PLCG2: variants seen among roughly 807,000 people sequenced by gnomAD.
PLCG2 encodes the protein 1-phosphatidylinositol 4,5-bisphosphate phosphodiesterase gamma-2.
A neutral mutation model predicts 175.6 loss-of-function variants in PLCG2; 69 were observed. The observed-to-expected ratio is 0.39, with a 90% confidence interval of 0.32 to 0.48. The LOEUF is 0.48. Ranked by LOEUF, PLCG2 falls within the 20% of genes least tolerant of loss-of-function variation. PLCG2 has a pLI of 0.91. For missense variants in PLCG2, 1,798 were observed against 1,650.9 expected (o/e 1.09, Z -1.54); for synonymous variants, 827 against 624.0 (o/e 1.33, Z -4.85).
chr16:81,782,944 G>A (rs536074522), intron 1 of PLCG2, among the ~76,000 whole-genome samples: 12 of 152,318 alleles, frequency 7.9e-5, no homozygotes, highest in Non-Finnish European at 1.8e-4. Flanking sequence ...AGGGCAACCT[G>A]TGAGCAGCTA....
At chr16:81,914,492 T>C (rs144466760) in intron 19 of PLCG2, among the ~76,000 whole-genome samples, 131 of 152,274 alleles carry the variant, frequency 8.6e-4, no homozygotes, top group Non-Finnish European at 1.3e-3. Flanking sequence ...CTCAGGTTGA[T>C]TGCCTGACTT....
intron 2 of PLCG2, among the ~76,000 whole-genome samples, chr16:81,820,561 T>G (rs1390147715): frequency 6.6e-6 from 1 of 152,176 alleles, no homozygotes; most frequent in African/African-American, 2.4e-5. Context: ...ACTCCCCCAT[T>G]CTCCTCATGG....
intron 2 of PLCG2, among the ~76,000 whole-genome samples, chr16:81,771,948 A>G (rs1910290391): frequency 6.6e-6 from 1 of 151,668 alleles, no homozygotes; most frequent in Non-Finnish European, 1.5e-5. Flanking sequence ...ACGCCTGGCT[A>G]CTTTTTGTAT....
intron 2 of PLCG2, among the ~76,000 whole-genome samples, chr16:81,814,082 C>G (rs1904433407): frequency 6.6e-6 from 1 of 152,080 alleles, no homozygotes; most frequent in African/African-American, 2.4e-5. Context: ...GAAGGCTGCC[C>G]TCCATAAGGA....
At chr16:81,911,684 C>T (rs937382344) in intron 18 of PLCG2, among the ~76,000 whole-genome samples, 1 of 151,886 alleles carries the variant, frequency 6.6e-6, no homozygotes, top group East Asian at 1.9e-4. Context: ...GATCTCAGCT[C>T]ACTGCAACCT....
chr16:81,780,677 C>T (rs1181367795), intron 1 of PLCG2, among the ~76,000 whole-genome samples: 1 of 152,180 alleles, frequency 6.6e-6, no homozygotes, highest in Non-Finnish European at 1.5e-5. Context: ...CCATGAATAG[C>T]CCTTTTGCAC....
At position 81,802,595 on chromosome 16, in the gene PLCG2, G is replaced by T. The variant is rs77400508; in HGVS notation, c.193+16413G>T. ...TTTTGTTTTTGTTTTGAGACTGAGT[G>T]GAGTTTCACTCTTGTCGCCGGGCTG... On this transcript the variant is annotated intron_variant, in intron 2 of 32. Transcript: ENST00000564138. Among the ~76,000 whole-genome samples the T allele has an allele frequency of 5.5e-3, 831 of 151,814 alleles. 8 individuals are homozygous for T. The highest frequency in any genetic ancestry group is 0.034 in the Middle Eastern group (10 of 294).
At chr16:81,759,881 C>T (rs2143084224) in intron 2 of PLCG2, among the ~76,000 whole-genome samples, 1 of 152,326 alleles carries the variant, frequency 6.6e-6, no homozygotes, top group South Asian at 2.1e-4. Context: ...AATCCCAGCA[C>T]TTTGGGAGGC....
Position 81,919,589 on chromosome 16 carries a change from C to T in PLCG2, c.2160C>T (p.Tyr720=), listed in dbSNP as rs554237118. The change falls in exon 20 of 33, where the codon TAC becomes TAT. Residue 720 remains tyrosine (Y), a synonymous_variant. Coordinates refer to ENST00000564138, the MANE Select transcript of PLCG2 (RefSeq NM_002661.5). ...GTCTGGTGGAGCTCGTCAGTTACTA[C>T]GAGAAGCATTCACTCTACCGAAAGA... The part of the protein sequence containing the change: ...FESLVELVSY[Y]EKHSLYRKMR... The T allele has an allele frequency of 2.4e-5, 38 of 1,614,084 alleles. No individual in the cohort carries two copies. Among genetic ancestry groups the T allele is most frequent in the East Asian group, 1.3e-4 (6 of 44,884 alleles).
intron 2 of PLCG2, among the ~76,000 whole-genome samples, chr16:81,803,680 CCT>C (rs1911862797): frequency 7.8e-6 from 1 of 128,362 alleles, no homozygotes; most frequent in South Asian, 2.6e-4. Flanking sequence ...TTCCTTCCTT[CCT>C]TTTCTTTCTT....
intron 2 of PLCG2, among the ~76,000 whole-genome samples, chr16:81,790,997 C>T (rs553346755): frequency 2.5e-4 from 38 of 152,142 alleles, no homozygotes; most frequent in South Asian, 6.2e-4. Context: ...GCTTTGCTCA[C>T]AGCAATAAAA....
intron 1 of PLCG2, among the ~76,000 whole-genome samples, chr16:81,782,450 G>C (rs1309597812): frequency 6.6e-6 from 1 of 152,090 alleles, no homozygotes; most frequent in East Asian, 1.9e-4. Flanking sequence ...TGTGGTGGCT[G>C]GTGCTCTCTC....
chr16:81,929,809 C>T (rs142030124), intron 24 of PLCG2, among the ~76,000 whole-genome samples: 7 of 152,322 alleles, frequency 4.6e-5, no homozygotes, highest in East Asian at 1.9e-4. Flanking sequence ...CCTAAGTGAC[C>T]GACCACCACA....
At chr16:81,765,808 T>C (rs907621933) in intron 2 of PLCG2, among the ~76,000 whole-genome samples, 2 of 152,116 alleles carry the variant, frequency 1.3e-5, no homozygotes, top group African/African-American at 4.8e-5. Flanking sequence ...GACAGCTAAG[T>C]TCAGACCCGA....
chr16:81,935,764 G>A (rs1231822238), intron 26 of PLCG2: 2 of 985,250 alleles, frequency 2.0e-6, no homozygotes, highest in Non-Finnish European at 2.4e-6. Context: ...GGCTTTGGCA[G>A]GTGATTCTCA....
chr16:81,793,920 C>T (rs1004948669), intron 2 of PLCG2, among the ~76,000 whole-genome samples: 1 of 152,214 alleles, frequency 6.6e-6, no homozygotes, highest in Non-Finnish European at 1.5e-5. Context: ...AAGTCTTCTT[C>T]CTGCTCTGTG....
chr16:81,835,068 A>G (rs115992929), intron 2 of PLCG2, among the ~76,000 whole-genome samples: 2 of 144,348 alleles, frequency 1.4e-5, no homozygotes, highest in African/African-American at 5.1e-5. Flanking sequence ...AAGAGGAGGA[A>G]GTGGCCTTCC....
intron 2 of PLCG2, chr16:81,767,753 T>C (rs1397016347): frequency 6.6e-6 from 1 of 152,202 alleles, no homozygotes; most frequent in Admixed American, 6.5e-5. Context: ...TATGCTCTTT[T>C]GTATCCAACA....
At position 81,923,611 on chromosome 16, in the gene PLCG2, G is replaced by T. The variant is rs1160878105; in HGVS notation, c.2417+17G>T. ...CGGGGGCTGGTAAGGCTGAGTGGAG[G>T]CTGGGCTGCTCGGCAGGTGGGCTTG... On this transcript the variant is annotated intron_variant, in intron 22 of 32. Transcript: ENST00000564138. The T allele has an allele frequency of 3.3e-6, 5 of 1,492,956 alleles. No individual in the cohort carries two copies. In the Admixed American group the frequency reaches 8.4e-5, roughly 25 times the overall value. The allele number at this position is 1,492,956 out of a possible 1,614,324, so 92.5% of individuals were successfully genotyped here.
Sources: gnomAD v4.1 joint callset for allele counts (sites outside exome capture counted in the v4.1 genomes callset) on GRCh38, gnomAD v4.1.1 for gene constraint, MANE v1.5 for transcripts, NCBI Gene and HGNC (gene_info 2026-07-23, HGNC 2026-07-21) for gene names.